The following PSMA1 variants were observed in gnomAD, a reference collection of about 807,000 sequenced individuals.
PSMA1 encodes the protein proteasome subunit alpha type-1.
A neutral mutation model predicts 38.4 loss-of-function variants in PSMA1; 3 were observed. The ratio of observed to expected loss-of-function variants is 0.08; its 90% confidence interval spans 0.04 to 0.20. The LOEUF (loss-of-function observed/expected upper bound fraction) is 0.20. Among genes scored for constraint, PSMA1 ranks in the 10% least tolerant of loss-of-function variants. The probability of loss-of-function intolerance (pLI) is 1.00; values close to 1 mark genes in which losing one functional copy is unlikely to be tolerated. For synonymous variants in PSMA1, 101 were observed against 107.1 expected, an observed-to-expected ratio of 0.94 and a Z score of 0.35; for missense variants, 227 against 325.3, an observed-to-expected ratio of 0.70 and a Z score of 2.32.
intron 2 of PSMA1, among the ~76,000 whole-genome samples, chr11:14,577,791 T>G (rs1300308735): frequency 6.6e-6 from 1 of 152,142 alleles, no homozygotes; most frequent in African/African-American, 2.4e-5. Flanking sequence ...GGCTCCAGTG[T>G]TCACATCCTT....
intron 1 of PSMA1, among the ~76,000 whole-genome samples, chr11:14,640,190 G>T (rs1393474150): frequency 6.6e-6 from 1 of 152,132 alleles, no homozygotes; most frequent in African/African-American, 2.4e-5. Flanking sequence ...AGAGAGGTCG[G>T]GGGAAAGAGG....
chr11:14,521,465 C>T (rs920258779), upstream of PSMA1, among the ~76,000 whole-genome samples: 37 of 150,618 alleles, frequency 2.5e-4, 1 homozygote, highest in Admixed American at 5.3e-4. Context: ...GCACTCCAGC[C>T]CGCCTGGGCA....
At position 14,505,654 on chromosome 11, in the gene PSMA1, T is replaced by TA. The variant is rs199916676; in HGVS notation, c.736-407dup. Among the ~76,000 whole-genome samples the TA allele has an allele frequency of 2.1e-3, 317 of 150,642 alleles. 3 individuals carry two copies. The East Asian group carries it at 0.034, about 16-fold the overall frequency. On this transcript the variant is annotated intron_variant, in intron 9 of 9. Coordinates refer to ENST00000396394, the MANE Select transcript of PSMA1 (RefSeq NM_002786.4). The stretch of plus-strand genomic sequence containing the variant: ...AGACCAACTGTGTAGCCTAGAAATA[T>TA]AAAAAAAAAGAGTAAGAAAAAGTTA...
At chr11:14,567,123 G>C (rs1852081240) in intron 2 of PSMA1, among the ~76,000 whole-genome samples, 1 of 152,214 alleles carries the variant, frequency 6.6e-6, no homozygotes, top group Non-Finnish European at 1.5e-5. Flanking sequence ...CAGATGCTCA[G>C]AGAGGCACAG....
chr11:14,596,335 A>G (rs1246321615), intron 2 of PSMA1, among the ~76,000 whole-genome samples: 1 of 152,162 alleles, frequency 6.6e-6, no homozygotes, highest in Non-Finnish European at 1.5e-5. Flanking sequence ...TACTTTGGGC[A>G]TTATGGCCAT....
At chr11:14,584,863 A>T in intron 2 of PSMA1, among the ~76,000 whole-genome samples, 1 of 152,226 alleles carries the variant, frequency 6.6e-6, no homozygotes, top group East Asian at 1.9e-4. Context: ...GTAGTAAGAC[A>T]GGCTGGGGTC....
chr11:14,564,309 T>G (rs1852043874), intron 2 of PSMA1, among the ~76,000 whole-genome samples: 1 of 152,192 alleles, frequency 6.6e-6, no homozygotes. Context: ...TGTGTAAATT[T>G]TTGGCCTTTT....
At chr11:14,556,019 G>T (rs1200518649) in intron 2 of PSMA1, among the ~76,000 whole-genome samples, 2 of 152,190 alleles carry the variant, frequency 1.3e-5, no homozygotes, top group Non-Finnish European at 2.9e-5. Context: ...GTCCGGCTCT[G>T]GTCTGGGTTG....
At position 14,530,147 on chromosome 11, in the gene PSMA1, C is replaced by T. The variant is rs555316608; in HGVS notation, c.22-11106G>A. On this transcript the variant is annotated intron_variant, in intron 2 of 10. Coordinates refer to the PSMA1 transcript ENST00000418988. ...CACTGTGACCTCAACCCCTGCCCTA[C>T]CCCCCTGCTAGGTGTAGGGATCATA... is the stretch of plus-strand genomic sequence containing the variant. 2.6e-5 allele frequency among the ~76,000 whole-genome samples: 4 copies of T among 152,158 alleles called. No homozygotes were observed. In the South Asian group the frequency reaches 6.2e-4, roughly 24 times the overall value.
intron 2 of PSMA1, among the ~76,000 whole-genome samples, chr11:14,528,223 G>A (rs573382261): frequency 7.9e-5 from 12 of 152,028 alleles, no homozygotes; most frequent in African/African-American, 1.7e-4. Flanking sequence ...CCAAAAACTC[G>A]CCAGCCAAGC....
intron 2 of PSMA1, among the ~76,000 whole-genome samples, chr11:14,549,423 C>T (rs1000926914): frequency 2.0e-5 from 3 of 151,982 alleles, no homozygotes; most frequent in African/African-American, 2.4e-5. Flanking sequence ...CATTCTTGGC[C>T]GGGCGTGGTG....
intron 2 of PSMA1, among the ~76,000 whole-genome samples, chr11:14,584,480 T>C (rs898284781): frequency 6.6e-6 from 1 of 151,814 alleles, no homozygotes; most frequent in Non-Finnish European, 1.5e-5. Flanking sequence ...TGTGATAATA[T>C]GGTTTGGAGT....
At position 14,614,090 on chromosome 11, in the gene PSMA1, G is replaced by T. The variant is rs921704062; in HGVS notation, c.-165-2939C>A. 2.0e-5 allele frequency among the ~76,000 whole-genome samples: 3 copies of T among 152,122 alleles called. No homozygotes were observed. In the East Asian group the frequency reaches 5.8e-4, roughly 29 times the overall value. ...GGGATATGGGTTTAAATAATAAAATGAAGCTTTCATGGAAAATTTGGATAT... is the reference window on the plus strand; with the variant it reads ...GGGATATGGGTTTAAATAATAAAATTAAGCTTTCATGGAAAATTTGGATAT... On this transcript the variant is annotated intron_variant, in intron 1 of 10. Coordinates refer to the PSMA1 transcript ENST00000418988.
upstream of PSMA1, among the ~76,000 whole-genome samples, chr11:14,521,456 C>T (rs1394819119): frequency 4.0e-5 from 6 of 149,526 alleles, no homozygotes; most frequent in East Asian, 2.0e-4. Context: ...CGCGCCGTTG[C>T]ACTCCAGCCC....
chr11:14,525,706 T>C (rs1043287947), intron 2 of PSMA1, among the ~76,000 whole-genome samples: 2 of 152,194 alleles, frequency 1.3e-5, no homozygotes, highest in Non-Finnish European at 2.9e-5. Context: ...GTTCTTGATC[T>C]TAAAGATGCT....
At chr11:14,520,261 T>G (rs201898709) in intron 1 of PSMA1, 36 bp downstream of exon 1, 1 of 1,613,866 alleles carries the variant, frequency 6.2e-7, no homozygotes. Context: ...ACCAGAGCTC[T>G]GCCCTAAACC....
At chr11:14,513,032 A>G (rs188866126) in intron 7 of PSMA1, among the ~76,000 whole-genome samples, 1 of 152,350 alleles carries the variant, frequency 6.6e-6, no homozygotes, top group African/African-American at 2.4e-5. Context: ...CAGAAAACAG[A>G]TAAGATGACA....
intron 2 of PSMA1, among the ~76,000 whole-genome samples, chr11:14,574,587 A>T (rs1388633940): frequency 6.6e-6 from 1 of 152,026 alleles, no homozygotes; most frequent in Non-Finnish European, 1.5e-5. Context: ...ACCCAGTGGG[A>T]GGTAATTGAA....
chr11:14,561,334 A>G, intron 2 of PSMA1, among the ~76,000 whole-genome samples: 1 of 152,188 alleles, frequency 6.6e-6, no homozygotes, highest in East Asian at 1.9e-4. Flanking sequence ...GAGACTGTCC[A>G]GTCCACTATC....
Sources: allele counts gnomAD v4.1 joint callset (sites outside exome capture counted in the v4.1 genomes callset), GRCh38; gene constraint gnomAD v4.1.1; transcripts MANE v1.5; gene names NCBI Gene and HGNC (gene_info 2026-07-23, HGNC 2026-07-21).